RP1: variants seen among roughly 807,000 people sequenced by gnomAD.
RP1 encodes the protein oxygen-regulated protein 1.
A neutral mutation model predicts 14.8 loss-of-function variants in RP1; 16 were observed. The observed-to-expected ratio is 1.08, with a 90% CI of 0.73 to 1.65. The LOEUF (loss-of-function observed/expected upper bound fraction) is 1.65, where lower values mean the gene tolerates loss of function less well. RP1 is among the 40% of genes most tolerant of loss of function. The pLI is 0.00. For synonymous variants in RP1, 876 were observed against 883.6 expected (o/e 0.99, Z 0.15); for missense variants, 2,631 against 2,535.0 (o/e 1.04, Z -0.81).
intron 1 of RP1, among the ~76,000 whole-genome samples, chr8:54,588,289 A>C (rs138646278): frequency 7.2e-4 from 110 of 152,328 alleles, no homozygotes; most frequent in African/African-American, 1.4e-3. Flanking sequence ...TTGCAATAAA[A>C]TATATGGAAG....
chr8:54,724,357 C>T (rs1297160029), intron 16 of RP1, among the ~76,000 whole-genome samples: 5 of 152,016 alleles, frequency 3.3e-5, no homozygotes, highest in Non-Finnish European at 7.4e-5. Context: ...AAAGACTTTT[C>T]CTAGTTGATT....
chr8:54,768,147 T>C (rs1800116935), intron 22 of RP1, among the ~76,000 whole-genome samples: 2 of 152,242 alleles, frequency 1.3e-5, no homozygotes, highest in African/African-American at 4.8e-5. Flanking sequence ...CCACGTGGAA[T>C]CTCATTGGAC....
chr8:54,675,483 G>T (rs2129333828), intron 8 of RP1, among the ~76,000 whole-genome samples: 1 of 152,254 alleles, frequency 6.6e-6, no homozygotes, highest in Non-Finnish European at 1.5e-5. Flanking sequence ...CTCCTCGGTT[G>T]TTTGTACTTT....
intron 1 of RP1, among the ~76,000 whole-genome samples, chr8:54,585,698 T>C (rs924427942): frequency 1.3e-5 from 2 of 152,192 alleles, no homozygotes; most frequent in East Asian, 3.8e-4. Context: ...GTTTATTTCT[T>C]TTTATTCTTT....
At chr8:54,652,700 C>A in intron 4 of RP1, 2 of 912,936 alleles carry the variant, frequency 2.2e-6, no homozygotes, top group Non-Finnish European at 3.4e-6. Context: ...CCTTTATCAA[C>A]ATTTCATGTC....
At chr8:54,848,694 TA>T (rs1208007508) in intron 25 of RP1, among the ~76,000 whole-genome samples, 4 of 152,190 alleles carry the variant, frequency 2.6e-5, no homozygotes, top group African/African-American at 9.6e-5. Flanking sequence ...TTTAAAGAGA[TA>T]AAAAAAGTTT....
chr8:54,841,756 T>C (rs1422594988), intron 25 of RP1, among the ~76,000 whole-genome samples: 1 of 152,206 alleles, frequency 6.6e-6, no homozygotes, highest in East Asian at 1.9e-4. Flanking sequence ...CTGGCAGTGA[T>C]GCTTAGGGCT....
chr8:54,688,902 C>T lies in RP1; in HGVS notation c.1717+8969C>T, dbSNP rs139097988. 7.4e-3 allele frequency among the ~76,000 whole-genome samples: 1,126 copies of T among 152,222 alleles called. 16 individuals carry two copies. Among genetic ancestry groups the T allele is most frequent in the African/African-American group, 0.026 (1,078 of 41,530 alleles). On this transcript the variant is annotated intron_variant, in intron 12 of 22. Coordinates refer to the RP1 transcript ENST00000636932. ...CACTGAATCTACAAATTACCTTGGG[C>T]AGTATGGCCATTTTCACGATATTGA...
At chr8:54,648,631 C>T (rs962541921) in intron 3 of RP1, among the ~76,000 whole-genome samples, 1 of 151,770 alleles carries the variant, frequency 6.6e-6, no homozygotes, top group Non-Finnish European at 1.5e-5. Context: ...TGTTACATGC[C>T]AGAGCTGAGA....
At position 54,796,634 on chromosome 8, in the gene RP1, G is replaced by C. The variant is rs78335022; in HGVS notation, c.3615+12924G>C. Among the ~76,000 whole-genome samples the C allele has an allele frequency of 8.5e-3, 1,292 of 152,238 alleles. 24 individuals carry two copies. Among genetic ancestry groups the C allele is most frequent in the African/African-American group, 0.029 (1,219 of 41,548 alleles). The stretch of plus-strand genomic sequence containing the variant: ...TTAGATTGGTGAGCTGTAAGCCAAA[G>C]GATGCCAAAGATTGACAGCCACCAC... On this transcript the variant is annotated intron_variant, in intron 24 of 28. Coordinates refer to the RP1 transcript ENST00000637698.
chr8:54,812,122 T>A (rs1463017159), intron 24 of RP1, among the ~76,000 whole-genome samples: 1 of 152,182 alleles, frequency 6.6e-6, no homozygotes, highest in Non-Finnish European at 1.5e-5. Context: ...AAGAAATATG[T>A]ACGTTTGTCA....
At chr8:54,719,709 A>C (rs1001921115) in intron 15 of RP1, among the ~76,000 whole-genome samples, 10 of 152,248 alleles carry the variant, frequency 6.6e-5, no homozygotes, top group African/African-American at 2.4e-4. Context: ...AGAATAGCAC[A>C]GAAAATTGGT....
chr8:54,606,948 A>T (rs1176457031), intron 1 of RP1, among the ~76,000 whole-genome samples: 5 of 151,412 alleles, frequency 3.3e-5, no homozygotes, highest in Non-Finnish European at 7.4e-5. Context: ...CATTCGTCTA[A>T]TTTTTTTTCA....
chr8:54,803,794 G>A (rs2129390076), intron 24 of RP1, among the ~76,000 whole-genome samples: 1 of 152,210 alleles, frequency 6.6e-6, no homozygotes, highest in South Asian at 2.1e-4. Context: ...AATGGGCCGG[G>A]CACAATGGCT....
intron 24 of RP1, among the ~76,000 whole-genome samples, chr8:54,831,989 C>A (rs558956085): frequency 5.9e-5 from 9 of 151,732 alleles, no homozygotes; most frequent in Admixed American, 5.2e-4. Flanking sequence ...CGTATTCTGG[C>A]CTGCGTTATT....
intron 7 of RP1, among the ~76,000 whole-genome samples, chr8:54,670,215 C>T (rs924971487): frequency 3.3e-5 from 5 of 151,752 alleles, no homozygotes; most frequent in Non-Finnish European, 7.4e-5. Context: ...CTTGTGATCT[C>T]TCATGGATAA....
At chr8:54,718,446 C>A (rs778358333) in intron 15 of RP1, among the ~76,000 whole-genome samples, 6 of 152,110 alleles carry the variant, frequency 3.9e-5, no homozygotes, top group African/African-American at 7.2e-5. Context: ...GACAAAGGAG[C>A]AAAGGGAACT....
intron 3 of RP1, among the ~76,000 whole-genome samples, chr8:54,638,476 A>G (rs905348495): frequency 6.6e-6 from 1 of 151,966 alleles, no homozygotes; most frequent in Admixed American, 6.6e-5. Context: ...CTCATGTTTA[A>G]TGGATAAAAA....
chr8:54,662,688 A>G (rs1806928520), intron 6 of RP1, among the ~76,000 whole-genome samples: 1 of 152,148 alleles, frequency 6.6e-6, no homozygotes, highest in African/African-American at 2.4e-5. Flanking sequence ...CCCAGTACCT[A>G]TTTCCAGGTC....
Sources: gnomAD v4.1 joint callset for allele counts (sites outside exome capture counted in the v4.1 genomes callset) on GRCh38, gnomAD v4.1.1 for gene constraint, MANE v1.5 for transcripts, NCBI Gene and HGNC (gene_info 2026-07-23, HGNC 2026-07-21) for gene names.